Variants in OPCML observed in about 807,000 individuals in gnomAD.
OPCML encodes the protein opioid-binding protein/cell adhesion molecule.
In OPCML, 13 loss-of-function variants were observed where a neutral mutation model predicts 37.8. The ratio of observed to expected loss-of-function variants is 0.34; its 90% CI spans 0.22 to 0.55. The LOEUF (loss-of-function observed/expected upper bound fraction) is 0.55, where lower values mean the gene tolerates loss of function less well. OPCML is among the 20% of genes least tolerant of loss of function. The probability of loss-of-function intolerance (pLI) is 0.91; values close to 1 mark genes in which losing one functional copy is unlikely to be tolerated. For missense variants in OPCML, 341 were observed against 435.6 expected, an observed-to-expected ratio of 0.78 and a Z score of 1.93; for synonymous variants, 176 against 168.8, an observed-to-expected ratio of 1.04 and a Z score of -0.33.
intron 7 of OPCML, among the ~76,000 whole-genome samples, chr11:132,429,333 G>A (rs558227742): frequency 5.9e-5 from 9 of 152,322 alleles, no homozygotes; most frequent in East Asian, 1.9e-4. Flanking sequence ...TTGGATTGCC[G>A]AAGAAAGATG....
intron 1 of OPCML, chr11:133,421,997 T>C (rs1945896761): frequency 2.8e-6 from 1 of 358,514 alleles, no homozygotes; most frequent in South Asian, 1.1e-4. Flanking sequence ...CTTTAAGTTC[T>C]GGGGTACATG....
chr11:133,183,803 A>G (rs191682695), intron 1 of OPCML, among the ~76,000 whole-genome samples: 23 of 152,364 alleles, frequency 1.5e-4, no homozygotes, highest in Admixed American at 5.2e-4. Context: ...TATTCAGCTC[A>G]TGAACCTGAG....
intron 1 of OPCML, chr11:133,302,119 G>C (rs1421863061): frequency 6.6e-6 from 1 of 152,198 alleles, no homozygotes; most frequent in African/African-American, 2.4e-5. Flanking sequence ...TCCATTGTGA[G>C]CTAAGATAAC....
At chr11:133,164,327 G>T (rs937383396) in intron 1 of OPCML, among the ~76,000 whole-genome samples, 5 of 152,132 alleles carry the variant, frequency 3.3e-5, no homozygotes, top group African/African-American at 9.7e-5. Context: ...CCTCTCTTGC[G>T]GGGTCAGTAT....
At chr11:133,437,597 G>A (rs1454830613) in intron 1 of OPCML, among the ~76,000 whole-genome samples, 1 of 149,450 alleles carries the variant, frequency 6.7e-6, no homozygotes, top group Admixed American at 6.7e-5. Context: ...TGCTAAGCAC[G>A]CCATGCACTT....
intron 3 of OPCML, among the ~76,000 whole-genome samples, chr11:132,610,582 C>T (rs1376948208): frequency 6.6e-6 from 1 of 152,034 alleles, no homozygotes; most frequent in African/African-American, 2.4e-5. Context: ...CAATCGTTGC[C>T]GCTGAAGACT....
chr11:133,309,780 A>G (rs1943023457), intron 1 of OPCML, among the ~76,000 whole-genome samples: 1 of 152,184 alleles, frequency 6.6e-6, no homozygotes, highest in Non-Finnish European at 1.5e-5. Flanking sequence ...CTGGAGATGG[A>G]TAGAGGACAG....
intron 3 of OPCML, among the ~76,000 whole-genome samples, chr11:132,614,045 G>T (rs1449537556): frequency 6.6e-6 from 1 of 152,076 alleles, no homozygotes; most frequent in Non-Finnish European, 1.5e-5. Context: ...TAAAAGTAGA[G>T]ATTGTATTCC....
intron 2 of OPCML, among the ~76,000 whole-genome samples, chr11:132,696,282 G>A (rs1305198045): frequency 6.6e-5 from 10 of 152,006 alleles, no homozygotes. Context: ...GTAGGAAGAA[G>A]GATCTACATT....
At chr11:132,938,628 G>A (rs144354793) in intron 2 of OPCML, among the ~76,000 whole-genome samples, 1 of 152,088 alleles carries the variant, frequency 6.6e-6, no homozygotes, top group African/African-American at 2.4e-5. Context: ...GTTCCTGTAT[G>A]TACACAATTC....
intron 3 of OPCML, among the ~76,000 whole-genome samples, chr11:132,622,302 A>G (rs926879631): frequency 6.6e-6 from 1 of 152,194 alleles, no homozygotes; most frequent in African/African-American, 2.4e-5. Flanking sequence ...GAGGAGTCAA[A>G]CAACAAAGAC....
intron 1 of OPCML, among the ~76,000 whole-genome samples, chr11:133,346,893 T>A (rs1020804328): frequency 6.6e-6 from 1 of 152,204 alleles, no homozygotes; most frequent in African/African-American, 2.4e-5. Context: ...TGTTTTGTTT[T>A]GATTTGATGC....
At chr11:133,181,151 G>A (rs1208382771) in intron 1 of OPCML, among the ~76,000 whole-genome samples, 5 of 152,168 alleles carry the variant, frequency 3.3e-5, no homozygotes, top group African/African-American at 9.7e-5. Context: ...TTTGGGGACC[G>A]GAGCAGAAGG....
chr11:132,529,178 G>T lies in OPCML; in HGVS notation c.388C>A (p.Gln130Lys). The change falls in exon 4 of 8, where the codon CAG (glutamine) becomes AAG (lysine). Residue 130 changes from glutamine (Q) to lysine (K), a missense_variant. Physicochemically the swap from Gln to Lys is moderately conservative, Grantham distance 53. Transcript: ENST00000524381. ...RVHLIVQVPP[Q>K]IMNISSDITV... ...ATGTCTGAGGAGATATTCATGATCT[G>T]AGGAGGAACTGTAAGGAAACAGGAT... 2 of 1,609,430 alleles carry T rather than the reference G, an allele frequency of 1.2e-6. No homozygotes were observed. The highest frequency in any genetic ancestry group is 1.7e-6 in the Non-Finnish European group (2 of 1,177,504).
intron 4 of OPCML, among the ~76,000 whole-genome samples, chr11:132,460,686 A>C (rs1396757149): frequency 1.3e-5 from 2 of 152,242 alleles, no homozygotes; most frequent in Non-Finnish European, 2.9e-5. Context: ...ATAATCATGC[A>C]CTTCAACAGC....
chr11:133,021,377 C>T (rs773053697), intron 1 of OPCML, among the ~76,000 whole-genome samples: 1 of 152,126 alleles, frequency 6.6e-6, no homozygotes, highest in African/African-American at 2.4e-5. Flanking sequence ...AGAGAGCCCC[C>T]AGGGTACGCT....
chr11:133,120,277 A>G (rs1253651329), intron 1 of OPCML, among the ~76,000 whole-genome samples: 1 of 152,240 alleles, frequency 6.6e-6, no homozygotes, highest in Non-Finnish European at 1.5e-5. Context: ...AGCAGTTTGC[A>G]TCTAATGTGT....
intron 2 of OPCML, among the ~76,000 whole-genome samples, chr11:132,815,283 G>A (rs1304906812): frequency 3.3e-5 from 5 of 152,034 alleles, no homozygotes; most frequent in South Asian, 4.1e-4. Context: ...AGTCTCCTCC[G>A]CATCTTGACC....
chr11:132,654,069 C>T (rs537381802), intron 3 of OPCML, among the ~76,000 whole-genome samples: 14 of 152,292 alleles, frequency 9.2e-5, no homozygotes, highest in Admixed American at 6.5e-4. Context: ...CCTGAACTAA[C>T]ACTATGTCTG....
Sources: gnomAD v4.1 joint callset for allele counts (sites outside exome capture counted in the v4.1 genomes callset) on GRCh38, gnomAD v4.1.1 for gene constraint, MANE v1.5 for transcripts, NCBI Gene and HGNC (gene_info 2026-07-23, HGNC 2026-07-21) for gene names.